POLN: variants seen among roughly 807,000 people sequenced by gnomAD.
POLN encodes DNA polymerase N.
In POLN, 108 loss-of-function variants were observed where a neutral mutation model predicts 113.5. The ratio of observed to expected loss-of-function variants is 0.95; its 90% CI spans 0.81 to 1.12. The LOEUF (loss-of-function observed/expected upper bound fraction) is 1.12, where lower values mean the gene tolerates loss of function less well. POLN is among the 50% of genes most tolerant of loss of function. POLN has a pLI of 0.00. For synonymous variants in POLN, 386 were observed against 391.5 expected, an observed-to-expected ratio of 0.99 and a Z score of 0.17; for missense variants, 1,097 against 1,077.1, an observed-to-expected ratio of 1.02 and a Z score of -0.26.
intron 3 of POLN, among the ~76,000 whole-genome samples, chr4:2,225,160 A>C (rs1309782454): frequency 1.3e-5 from 2 of 152,166 alleles, no homozygotes. Flanking sequence ...AAAAATATAA[A>C]AGGCACATAC....
At position 2,146,390 on chromosome 4, in the gene POLN, C is replaced by G. The variant is rs149451423; in HGVS notation, c.1731+10398G>C. Among the ~76,000 whole-genome samples the G allele has an allele frequency of 2.2e-3, 330 of 152,316 alleles. 1 individual carries two copies. The highest frequency in any genetic ancestry group is 7.5e-3 in the African/African-American group (312 of 41,564). ...AGGCGTGGTGGCACGCACCTGTAAT[C>G]CCAGCTACTTGGGAGGCTGAGGCAG... is the stretch of plus-strand genomic sequence containing the variant. On this transcript the variant is annotated intron_variant, in intron 16 of 25. Transcript: ENST00000511885.
At chr4:2,158,679 T>G (rs1231971830) in intron 14 of POLN, among the ~76,000 whole-genome samples, 1 of 152,136 alleles carries the variant, frequency 6.6e-6, no homozygotes, top group Non-Finnish European at 1.5e-5. Flanking sequence ...AAGAGAACTT[T>G]GGAAGGAAAT....
chr4:2,110,667 A>T (rs1731169762), intron 19 of POLN, among the ~76,000 whole-genome samples: 1 of 152,208 alleles, frequency 6.6e-6, no homozygotes, highest in African/African-American at 2.4e-5. Context: ...CTCGACACAT[A>T]CACTCTCCCA....
intron 8 of POLN, among the ~76,000 whole-genome samples, chr4:2,178,933 C>A (rs1733064260): frequency 6.6e-6 from 1 of 152,106 alleles, no homozygotes; most frequent in Admixed American, 6.6e-5. Context: ...GCAGTTCTGA[C>A]CATTCTCTCC....
intron 2 of POLN, chr4:2,236,177 C>T (rs766504453): frequency 9.1e-7 from 1 of 1,104,032 alleles, no homozygotes; most frequent in Non-Finnish European, 1.3e-6. Flanking sequence ...ATATCTTTTA[C>T]AACAAGCATT....
intron 2 of POLN, chr4:2,239,924 T>C (rs1386090471): frequency 1.3e-6 from 1 of 797,202 alleles, no homozygotes; most frequent in Non-Finnish European, 2.0e-6. Context: ...ACAAAGAAAA[T>C]AAAATGTAAT....
At chr4:2,142,915 T>C (rs1732039793) in intron 16 of POLN, among the ~76,000 whole-genome samples, 1 of 151,308 alleles carries the variant, frequency 6.6e-6, no homozygotes, top group Admixed American at 6.6e-5. Context: ...ACCCCCTCTG[T>C]TGGTTATAAA....
At chr4:2,229,522 ATGT>A (rs569652964) in intron 2 of POLN, 64 of 224,298 alleles carry the variant, frequency 2.9e-4, no homozygotes, top group African/African-American at 1.3e-3. Flanking sequence ...GGTTTGAAAA[ATGT>A]TATTAAATCT....
At chr4:2,099,559 G>A (rs762723034) in intron 19 of POLN, among the ~76,000 whole-genome samples, 2 of 152,192 alleles carry the variant, frequency 1.3e-5, no homozygotes, top group Admixed American at 6.5e-5. Context: ...AGAAAGTGTC[G>A]CCATCAAAAG....
At chr4:2,175,006 T>C (rs1321381656) in intron 9 of POLN, among the ~76,000 whole-genome samples, 1 of 152,074 alleles carries the variant, frequency 6.6e-6, no homozygotes, top group African/African-American at 2.4e-5. Flanking sequence ...AAATTTTTAG[T>C]AGAGACGGAG....
At chr4:2,169,681 T>C (rs924253354) in intron 13 of POLN, among the ~76,000 whole-genome samples, 2 of 152,210 alleles carry the variant, frequency 1.3e-5, no homozygotes, top group Admixed American at 6.5e-5. Flanking sequence ...AGTCGAGCAA[T>C]GTTTTCATGT....
chr4:2,176,205 C>T (rs1732991302), intron 9 of POLN, 61 bp downstream of exon 9: 1 of 1,350,746 alleles, frequency 7.4e-7, no homozygotes, highest in Admixed American at 1.9e-5. Flanking sequence ...AGTGCGGGTG[C>T]CAATGAAAAG....
chr4:2,194,481 A>C (rs548900964), intron 6 of POLN, among the ~76,000 whole-genome samples: 1 of 152,210 alleles, frequency 6.6e-6, no homozygotes, highest in African/African-American at 2.4e-5. Flanking sequence ...GGGAGGGTAA[A>C]GCGCCAATAA....
intron 16 of POLN, among the ~76,000 whole-genome samples, chr4:2,156,083 C>T (rs1012370677): frequency 1.3e-5 from 2 of 152,136 alleles, no homozygotes; most frequent in African/African-American, 4.8e-5. Flanking sequence ...TCCACCGCCT[C>T]GGCCTCCCAA....
intron 6 of POLN, 72 bp downstream of exon 6, chr4:2,198,452 C>G (rs999883684): frequency 9.6e-6 from 13 of 1,353,572 alleles, no homozygotes; most frequent in East Asian, 2.5e-5. Context: ...AAAACTGGAC[C>G]TTGAGCAAGT....
intron 4 of POLN, among the ~76,000 whole-genome samples, chr4:2,209,605 T>C (rs1339005354): frequency 6.6e-6 from 1 of 151,598 alleles, no homozygotes; most frequent in Admixed American, 6.6e-5. Flanking sequence ...ATCCATTTCA[T>C]TATAGGACTT....
Position 2,242,119 on chromosome 4 carries a change from A to C in POLN, c.-352T>G, listed in dbSNP as rs1403325784. ...GCCCTCCGTGCCCCGCGCGCCTCGCACTGCCTCACGGGAGCGCCTGGACGC... is the reference window on the plus strand; with the variant it reads ...GCCCTCCGTGCCCCGCGCGCCTCGCCCTGCCTCACGGGAGCGCCTGGACGC... On this transcript the variant is annotated 5_prime_UTR_variant, in exon 1 of 26. Transcript: ENST00000511885. The C allele has an allele frequency of 2.0e-6, 2 of 985,676 alleles. No homozygotes were observed. The highest frequency in any genetic ancestry group is 2.4e-6 in the Non-Finnish European group (2 of 830,208). 61.1% of individuals were successfully genotyped at this position (985,676 alleles called of 1,614,324 possible). A position where few individuals can be genotyped will look rare whatever the true frequency, so the allele number is the denominator to read the frequency against.
At chr4:2,207,886 T>TA in intron 5 of POLN, 101 bp downstream of exon 5, 2 of 1,367,710 alleles carry the variant, frequency 1.5e-6, no homozygotes, top group South Asian at 1.5e-5. Flanking sequence ...AGGAAAGCCT[T>TA]AAAATCTTGT....
Position 2,071,999 on chromosome 4 carries a change from C to T in POLN, c.*115G>A. On this transcript the variant is annotated 3_prime_UTR_variant, in exon 26 of 26. Transcript: ENST00000511885. The surrounding 1 kb of genome is among the most constrained non-coding windows in gnomAD (Gnocchi z 5.2). The stretch of plus-strand genomic sequence containing the variant: ...GGCATTTACTCCAGGGGATGGCGGG[C>T]CACCCCAGCCCCAAAGGGTTAATGC... The T allele has an allele frequency of 8.2e-7, 1 of 1,213,530 alleles. No individual in the cohort carries two copies. The highest frequency in any genetic ancestry group is 1.2e-6 in the Non-Finnish European group (1 of 817,628). The allele number at this position is 1,213,530 out of a possible 1,614,324, so 75.2% of individuals were successfully genotyped here.
Sources: allele counts gnomAD v4.1 joint callset (sites outside exome capture counted in the v4.1 genomes callset), GRCh38; gene constraint gnomAD v4.1.1; non-coding constraint Gnocchi (gnomAD v3.1); transcripts MANE v1.5; gene names NCBI Gene and HGNC (gene_info 2026-07-23, HGNC 2026-07-21).